Variants in RFX4 observed in about 807,000 individuals in gnomAD.
The protein encoded by RFX4 is transcription factor RFX4.
Under a neutral mutation model 95.0 loss-of-function variants are expected in RFX4, and 10 were observed. The observed-to-expected ratio is 0.11, with a 90% confidence interval of 0.06 to 0.18. The LOEUF is 0.18. RFX4 is among the 10% of genes least tolerant of loss of function. The pLI, the probability that RFX4 is intolerant of heterozygous loss-of-function variation, is 1.00. For synonymous variants in RFX4, 321 were observed against 340.7 expected (o/e 0.94, Z 0.64); for missense variants, 640 against 922.0 (o/e 0.69, Z 3.96).
rs1468956256 is a variant in RFX4, at chr12:106,715,421, A to G, written c.1015A>G (p.Ser339Gly). ...LCQASRTVIH[S>G]ADITFQMLED... ...ATAGGCATCTCGAACAGTGATCCAC[A>G]GTGCAGACATCACGTTCCAAATGCT... Residue 339 changes from serine (S) to glycine (G), a missense_variant, in exon 11 of 18, where the codon AGT becomes GGT. By Grantham distance (56) the Ser-to-Gly change is moderately conservative. Transcript: ENST00000392842. 6.2e-7 allele frequency: 1 copy of G among 1,614,202 alleles called. No homozygotes were observed. Among genetic ancestry groups the G allele is most frequent in the Admixed American group, 1.7e-5 (1 of 60,020 alleles).
chr12:106,733,799 T>C (rs1246626735), intron 15 of RFX4, among the ~76,000 whole-genome samples: 1 of 152,124 alleles, frequency 6.6e-6, no homozygotes, highest in Non-Finnish European at 1.5e-5. Flanking sequence ...ATAAGATTAA[T>C]TTACAACCAA....
intron 9 of RFX4, 116 bp from the exon 10 acceptor site, chr12:106,711,337 A>G: frequency 1.2e-6 from 1 of 846,564 alleles, no homozygotes; most frequent in Non-Finnish European, 2.0e-6. Context: ...GGGATTGGGC[A>G]GTGAGATAAA....
At chr12:106,604,115 C>CTTTTT (rs1163891542) in intron 1 of RFX4, among the ~76,000 whole-genome samples, 9 of 112,802 alleles carry the variant, frequency 8.0e-5, no homozygotes, top group Admixed American at 9.6e-5. Context: ...GCTTCTCTCT[C>CTTTTT]TTTTTTTTTT....
chr12:106,708,355 T>TC (rs1381783680), intron 8 of RFX4, among the ~76,000 whole-genome samples: 1 of 151,256 alleles, frequency 6.6e-6, no homozygotes, highest in African/African-American at 2.4e-5. Flanking sequence ...TTTTTTTTTT[T>TC]CCCTGAGAAG....
intron 4 of RFX4, among the ~76,000 whole-genome samples, chr12:106,673,810 C>T (rs974285506): frequency 4.6e-5 from 7 of 152,238 alleles, no homozygotes; most frequent in South Asian, 2.1e-4. Flanking sequence ...TTCTTTCATT[C>T]TTTCATTCAA....
At chr12:106,707,134 G>A (rs4964189) in intron 8 of RFX4, among the ~76,000 whole-genome samples, 30,145 of 151,970 alleles carry the variant, frequency 0.2, 3,355 homozygotes, top group South Asian at 0.28. Context: ...GTGCTTGGAG[G>A]TTTATTATAC....
intron 1 of RFX4, among the ~76,000 whole-genome samples, chr12:106,587,905 T>G (rs887994853): frequency 6.6e-6 from 1 of 152,196 alleles, no homozygotes; most frequent in Admixed American, 6.5e-5. Flanking sequence ...TCCCCCCTTT[T>G]TACAGTGAGA....
chr12:106,747,414 G>C lies in RFX4; in HGVS notation c.1634-23G>C, dbSNP rs1378431149. The C allele has an allele frequency of 1.9e-6, 3 of 1,609,050 alleles. No homozygotes were observed. In the African/African-American group the frequency reaches 4.0e-5, roughly 22 times the overall value. On this transcript the variant is annotated intron_variant, in intron 15 of 17. Transcript: ENST00000392842. ...GGATATGAGAACTGTTAATGATCAA[G>C]ACGTCTTAATTTGTCTCTGCAGGAG...
intron 1 of RFX4, 130 bp from the exon 2 acceptor site, chr12:106,608,667 C>T (rs1200097860): frequency 1.2e-6 from 1 of 864,750 alleles, no homozygotes; most frequent in Non-Finnish European, 1.7e-6. Context: ...GCAGATGCCA[C>T]ATGAATATTG....
rs1306366179 is a variant in RFX4, at chr12:106,585,863, G to A, written c.43+2500G>A. 3.3e-5 allele frequency: 5 copies of A among 152,392 alleles called. No individual in the cohort carries two copies. In the East Asian group the frequency reaches 7.7e-4, roughly 24 times the overall value. The allele number at this position is 152,392 out of a possible 1,614,324, so 9.4% of individuals were successfully genotyped here. The stretch of plus-strand genomic sequence containing the variant: ...CTCTTAAAAGGAAAATCCCCGCGAA[G>A]TGCCTCGGGCCCGGGAGAACAGTTT... On this transcript the variant is annotated intron_variant, in intron 1 of 17. Transcript: ENST00000392842.
rs112599748 is a variant in RFX4 at position 106,734,987 on chromosome 12, G to A, written c.1633+1902G>A. Among the ~76,000 whole-genome samples, 1,245 of 150,892 alleles carry A rather than the reference G, an allele frequency of 8.3e-3. 25 individuals carry two copies. The highest frequency in any genetic ancestry group is 0.029 in the African/African-American group (1,188 of 40,970). ...GAGGATCATTTGATCGTAGGAGTTC[G>A]AGGCTGCAGTGAGCTATGATCAGAC... On this transcript the variant is annotated intron_variant, in intron 15 of 17. Transcript: ENST00000392842.
intron 4 of RFX4, among the ~76,000 whole-genome samples, chr12:106,677,557 C>T (rs190330426): frequency 3.3e-5 from 5 of 152,136 alleles, no homozygotes; most frequent in East Asian, 1.9e-4. Flanking sequence ...AAGATCCTGC[C>T]GCTGAGGCCG....
At chr12:106,706,401 C>T (rs2042086814) in intron 8 of RFX4, among the ~76,000 whole-genome samples, 2 of 152,144 alleles carry the variant, frequency 1.3e-5, no homozygotes, top group African/African-American at 2.4e-5. Context: ...AGGATGGACT[C>T]AGGAAGCTAC....
chr12:106,693,104 G>T (rs1445572565), intron 7 of RFX4: 1 of 443,148 alleles, frequency 2.3e-6, no homozygotes, highest in South Asian at 1.6e-5. Context: ...TCCACCTTCT[G>T]CAGGGAAACA....
chr12:106,667,059 T>C (rs937702841), intron 4 of RFX4, among the ~76,000 whole-genome samples: 2 of 152,202 alleles, frequency 1.3e-5, no homozygotes, highest in Non-Finnish European at 2.9e-5. Flanking sequence ...AGCAATCTAT[T>C]GTCCTGTGAT....
At chr12:106,684,738 G>A (rs1156322784) in intron 5 of RFX4, 2 of 1,527,834 alleles carry the variant, frequency 1.3e-6, no homozygotes, top group East Asian at 4.9e-5. Context: ...CAGTTGAGAA[G>A]TAGTAGAAGA....
chr12:106,758,943 T>C (rs1197648217), intron 17 of RFX4, among the ~76,000 whole-genome samples: 1 of 152,202 alleles, frequency 6.6e-6, no homozygotes, highest in East Asian at 1.9e-4. Context: ...TTCTTTCTAG[T>C]AGTAACGTCC....
intron 15 of RFX4, among the ~76,000 whole-genome samples, chr12:106,743,470 G>A (rs2042840948): frequency 6.6e-6 from 1 of 152,168 alleles, no homozygotes; most frequent in Admixed American, 6.5e-5. Context: ...GAGTGGATGT[G>A]TTAGATTGCT....
intron 2 of RFX4, among the ~76,000 whole-genome samples, chr12:106,623,941 GT>G (rs1309843348): frequency 6.6e-6 from 1 of 152,252 alleles, no homozygotes; most frequent in African/African-American, 2.4e-5. Flanking sequence ...GACCCAGGCT[GT>G]TTATGTCTTT....
Sources: allele counts gnomAD v4.1 joint callset (sites outside exome capture counted in the v4.1 genomes callset), GRCh38; gene constraint gnomAD v4.1.1; transcripts MANE v1.5; gene names NCBI Gene and HGNC (gene_info 2026-07-23, HGNC 2026-07-21).